The following TENM3 variants were observed in gnomAD, a reference collection of about 807,000 sequenced individuals.
TENM3 encodes teneurin-3.
A neutral mutation model predicts 255.1 loss-of-function variants in TENM3; 63 were observed. The ratio of observed to expected loss-of-function variants is 0.25; its 90% CI spans 0.20 to 0.30. TENM3 has a LOEUF of 0.30. Ranked by LOEUF, TENM3 falls within the 10% of genes least tolerant of loss-of-function variation. TENM3 has a pLI of 1.00. For missense variants in TENM3, 2,929 were observed against 3,461.1 expected, an observed-to-expected ratio of 0.85 and a Z score of 3.86; for synonymous variants, 1,306 against 1,322.3, an observed-to-expected ratio of 0.99 and a Z score of 0.27.
At chr4:182,207,122 G>C (rs1754636850) in intron 1 of TENM3, among the ~76,000 whole-genome samples, 1 of 152,136 alleles carries the variant, frequency 6.6e-6, no homozygotes. Context: ...GTTATTTTAG[G>C]ACTATTATGC....
At chr4:181,622,632 C>T in the TENM3 span, among the ~76,000 whole-genome samples, 12 of 152,240 alleles carry the variant, frequency 7.9e-5, no homozygotes, top group East Asian at 1.9e-4. Flanking sequence ...GCTGAGATCG[C>T]GCCACTGTAC....
chr4:182,638,139 A>G (rs1221895040), intron 5 of TENM3, among the ~76,000 whole-genome samples: 1 of 152,084 alleles, frequency 6.6e-6, no homozygotes, highest in Non-Finnish European at 1.5e-5. Context: ...TGGGGTAACT[A>G]GATCTATAAT....
chr4:181,913,958 G>A, the TENM3 span, among the ~76,000 whole-genome samples: 1 of 152,212 alleles, frequency 6.6e-6, no homozygotes, highest in East Asian at 1.9e-4. Context: ...GATTGGTGAT[G>A]TTCAATGGAG....
the TENM3 span, among the ~76,000 whole-genome samples, chr4:182,098,309 A>C: frequency 6.6e-6 from 1 of 152,190 alleles, no homozygotes; most frequent in Non-Finnish European, 1.5e-5. Context: ...GAATTACCCT[A>C]TGATCCAGCA....
the TENM3 span, among the ~76,000 whole-genome samples, chr4:181,629,243 C>A: frequency 2.6e-5 from 4 of 152,174 alleles, no homozygotes; most frequent in African/African-American, 9.7e-5. Context: ...TGGGCTGAGA[C>A]AATGGGATTT....
chr4:182,327,884 G>A (rs1281987222), intron 2 of TENM3, among the ~76,000 whole-genome samples: 1 of 152,216 alleles, frequency 6.6e-6, no homozygotes, highest in African/African-American at 2.4e-5. Context: ...TTTTGGAGAA[G>A]TGGTAAAATA....
At chr4:181,676,762 G>A in the TENM3 span, among the ~76,000 whole-genome samples, 2 of 151,986 alleles carry the variant, frequency 1.3e-5, no homozygotes, top group Non-Finnish European at 2.9e-5. Context: ...ACAGATAATG[G>A]AGCCAAAACA....
At chr4:181,882,965 C>T in the TENM3 span, among the ~76,000 whole-genome samples, 3 of 152,062 alleles carry the variant, frequency 2.0e-5, no homozygotes, top group African/African-American at 7.2e-5. Context: ...TTAACAGCAG[C>T]CCATCCTGGA....
At chr4:182,154,310 T>C (rs1035591617) in intron 1 of TENM3, among the ~76,000 whole-genome samples, 2 of 152,062 alleles carry the variant, frequency 1.3e-5, no homozygotes, top group African/African-American at 4.8e-5. Context: ...GATAGGAAGC[T>C]TTGTGGATAA....
chr4:181,883,877 G>T, the TENM3 span, among the ~76,000 whole-genome samples: 10 of 152,296 alleles, frequency 6.6e-5, no homozygotes, highest in African/African-American at 2.4e-4. Context: ...AGATGGGTCT[G>T]GTTGCTGAAC....
rs6841703 is a variant in TENM3, at chr4:182,632,259, C to T, written c.988+3370C>T. ...GTGACTTATTTTCTTGTACCTGTGTCCGTGCATGTTGGTGTGTGCGTATGT... is the reference window on the plus strand; with the variant it reads ...GTGACTTATTTTCTTGTACCTGTGTTCGTGCATGTTGGTGTGTGCGTATGT... On this transcript the variant is annotated intron_variant, in intron 5 of 27. Transcript: ENST00000511685. 9.5e-3 allele frequency among the ~76,000 whole-genome samples: 1,442 copies of T among 152,170 alleles called. 23 individuals carry two copies. The highest frequency in any genetic ancestry group is 0.032 in the African/African-American group (1,336 of 41,528).
At chr4:182,294,980 A>G (rs1253848549) in intron 1 of TENM3, among the ~76,000 whole-genome samples, 1 of 141,692 alleles carries the variant, frequency 7.1e-6, no homozygotes, top group Non-Finnish European at 1.5e-5. Flanking sequence ...GGTGCATTTA[A>G]TGGCCCATAA....
At chr4:182,660,946 A>G (rs1468101703) in intron 6 of TENM3, among the ~76,000 whole-genome samples, 1 of 152,156 alleles carries the variant, frequency 6.6e-6, no homozygotes, top group African/African-American at 2.4e-5. Flanking sequence ...TTTCAACACC[A>G]GCTTGACTTC....
chr4:182,747,762 C>T (rs541121003), intron 19 of TENM3, among the ~76,000 whole-genome samples: 40 of 151,976 alleles, frequency 2.6e-4, no homozygotes, highest in African/African-American at 9.7e-4. Context: ...AGTGTAGATA[C>T]CAAATTATAA....
chr4:181,579,301 T>TC, the TENM3 span, among the ~76,000 whole-genome samples: 1 of 151,414 alleles, frequency 6.6e-6, no homozygotes, highest in African/African-American at 2.4e-5. Flanking sequence ...TCCTAACCAC[T>TC]CCCCCCACAT....
At chr4:182,470,887 A>G (rs1733056249) in intron 3 of TENM3, among the ~76,000 whole-genome samples, 1 of 152,188 alleles carries the variant, frequency 6.6e-6, no homozygotes, top group South Asian at 2.1e-4. Context: ...TTTGAATACA[A>G]CAATTACCGG....
chr4:182,727,680 A>G (rs1396603134), intron 13 of TENM3, among the ~76,000 whole-genome samples: 2 of 152,032 alleles, frequency 1.3e-5, no homozygotes, highest in African/African-American at 2.4e-5. Flanking sequence ...TATGTCATCA[A>G]TACTATAGGT....
the TENM3 span, among the ~76,000 whole-genome samples, chr4:181,499,459 CGTT>C: frequency 6.6e-6 from 1 of 152,076 alleles, no homozygotes; most frequent in Non-Finnish European, 1.5e-5. Context: ...TCCATGCCAT[CGTT>C]GTTATCTTGA....
intron 24 of TENM3, 85 bp downstream of exon 24, chr4:182,775,238 A>AC: frequency 2.5e-6 from 3 of 1,186,072 alleles, no homozygotes; most frequent in Non-Finnish European, 2.5e-6. Flanking sequence ...TCTCCTGCTC[A>AC]CCCCCCTATG....
Sources: allele counts gnomAD v4.1 joint callset (sites outside exome capture counted in the v4.1 genomes callset), GRCh38; gene constraint gnomAD v4.1.1; transcripts MANE v1.5; gene names NCBI Gene and HGNC (gene_info 2026-07-23, HGNC 2026-07-21).